The following MCPH1 variants were observed in gnomAD, a reference collection of about 807,000 sequenced individuals.
The protein encoded by MCPH1 is microcephalin 1.
MCPH1 carries 104 observed loss-of-function variants against 84.5 expected under a neutral mutation model. The ratio of observed to expected loss-of-function variants is 1.23; its 90% CI spans 1.05 to 1.45. MCPH1 has a LOEUF of 1.45. Among genes scored for constraint, MCPH1 ranks in the 40% most tolerant of loss-of-function variants. MCPH1 has a pLI of 0.00. For synonymous variants in MCPH1, 514 were observed against 366.8 expected (o/e 1.40, Z -4.58); for missense variants, 1,498 against 1,005.7 (o/e 1.49, Z -6.62).
intron 12 of MCPH1, among the ~76,000 whole-genome samples, chr8:6,529,057 T>C (rs1818939117): frequency 6.6e-6 from 1 of 152,228 alleles, no homozygotes; most frequent in Non-Finnish European, 1.5e-5. Flanking sequence ...ATAAGGGTTA[T>C]AACATGAGTA....
intron 12 of MCPH1, among the ~76,000 whole-genome samples, chr8:6,566,680 G>T (rs1826184411): frequency 6.6e-6 from 1 of 151,726 alleles, no homozygotes; most frequent in Non-Finnish European, 1.5e-5. Context: ...GATTGGCAAG[G>T]CCATGGATAG....
chr8:6,420,676 T>G (rs528104803), intron 3 of MCPH1, among the ~76,000 whole-genome samples: 1 of 152,330 alleles, frequency 6.6e-6, no homozygotes, highest in South Asian at 2.1e-4. Flanking sequence ...GCTGTTACAG[T>G]CGAGACAAGT....
chr8:6,447,016 AGGCAGGGCC>A, intron 8 of MCPH1: 1 of 418,164 alleles, frequency 2.4e-6, no homozygotes, highest in Non-Finnish European at 3.2e-6. Flanking sequence ...AGGGGTGTCC[AGGCAGGGCC>A]CGGGTGCAAG....
At chr8:6,603,641 C>T (rs1829539456) in intron 12 of MCPH1, among the ~76,000 whole-genome samples, 1 of 152,184 alleles carries the variant, frequency 6.6e-6, no homozygotes, top group African/African-American at 2.4e-5. Context: ...AAGTACCTTC[C>T]TGCTTTCAGT....
intron 9 of MCPH1, among the ~76,000 whole-genome samples, chr8:6,470,882 A>T (rs1563253701): frequency 6.6e-6 from 1 of 152,242 alleles, no homozygotes; most frequent in Non-Finnish European, 1.5e-5. Context: ...CTGCTGTAAG[A>T]TGTACATAAA....
At chr8:6,593,416 G>A (rs180765711) in intron 12 of MCPH1, among the ~76,000 whole-genome samples, 8 of 138,294 alleles carry the variant, frequency 5.8e-5, no homozygotes, top group South Asian at 2.4e-4. Context: ...GTGCAATGGC[G>A]CGATCTTGGC....
chr8:6,533,380 G>A (rs367697633), intron 12 of MCPH1, among the ~76,000 whole-genome samples: 7 of 152,188 alleles, frequency 4.6e-5, no homozygotes, highest in African/African-American at 1.7e-4. Flanking sequence ...TTTGGGCTTG[G>A]AGCCAGGGAA....
intron 3 of MCPH1, among the ~76,000 whole-genome samples, chr8:6,424,614 C>T (rs956059912): frequency 6.6e-6 from 1 of 152,222 alleles, no homozygotes; most frequent in Non-Finnish European, 1.5e-5. Flanking sequence ...ATAGGAACGT[C>T]CCTCAGTTTG....
chr8:6,538,397 G>A (rs1007624922), intron 12 of MCPH1, among the ~76,000 whole-genome samples: 1 of 152,198 alleles, frequency 6.6e-6, no homozygotes, highest in African/African-American at 2.4e-5. Context: ...CGCTGTCAGA[G>A]TCAGGAATCC....
At chr8:6,460,403 T>TG (rs1216612796) in intron 9 of MCPH1, among the ~76,000 whole-genome samples, 2 of 152,032 alleles carry the variant, frequency 1.3e-5, no homozygotes, top group African/African-American at 2.4e-5. Context: ...TTTGTAGAGA[T>TG]GGGGGTCTCT....
intron 12 of MCPH1, among the ~76,000 whole-genome samples, chr8:6,520,196 G>C (rs1172500646): frequency 6.6e-6 from 1 of 151,972 alleles, no homozygotes; most frequent in Admixed American, 6.6e-5. Flanking sequence ...CTTACTTTTT[G>C]GTCATTAATT....
chr8:6,557,158 C>T (rs945413597), intron 12 of MCPH1, among the ~76,000 whole-genome samples: 5 of 152,280 alleles, frequency 3.3e-5, no homozygotes, highest in Admixed American at 6.5e-5. Context: ...CCCAGCCCCA[C>T]GGAAAATTCT....
intron 12 of MCPH1, among the ~76,000 whole-genome samples, chr8:6,504,267 G>A (rs1039609850): frequency 7.2e-5 from 10 of 138,172 alleles, no homozygotes; most frequent in East Asian, 2.1e-4. Context: ...GCAGTGAGCC[G>A]AGATCGCGCC....
In MCPH1 at chr8:6,646,830, T is replaced by A. The variant is rs140992838; in HGVS notation, c.*3781T>A. On this transcript the variant is annotated 3_prime_UTR_variant, in exon 14 of 14. Transcript: ENST00000344683. ...CAAAACTGTTTCCAGTTGAGAACCA[T>A]TGACCTAATGTAAAAAATAAAATGT... The A allele has an allele frequency of 6.6e-6, 1 of 152,138 alleles. No homozygotes were observed. Among genetic ancestry groups the A allele is most frequent in the Non-Finnish European group, 1.5e-5 (1 of 68,026 alleles). 9.4% of individuals were successfully genotyped at this position (152,138 alleles called of 1,614,324 possible).
intron 12 of MCPH1, among the ~76,000 whole-genome samples, chr8:6,565,530 G>A (rs1019339862): frequency 6.6e-6 from 1 of 152,136 alleles, no homozygotes; most frequent in Non-Finnish European, 1.5e-5. Flanking sequence ...AAAGTGCTGG[G>A]ATCACAGGTG....
rs80356277 is a variant in MCPH1, at chr8:6,604,140, T to C, written c.2215-17314T>C. ...CTGATCTTGGACCTTCCCTGTCTCA[T>C]CTAGCTCAGCCCCCATGCTGTCATA... On this transcript the variant is annotated intron_variant, in intron 12 of 13. Transcript: ENST00000344683. Among the ~76,000 whole-genome samples the C allele has an allele frequency of 3.6e-4, 55 of 152,232 alleles. 1 individual carries two copies. The East Asian group carries it at 0.01, about 28-fold the overall frequency.
chr8:6,448,038 C>T (rs1458195128), intron 8 of MCPH1, among the ~76,000 whole-genome samples: 1 of 152,132 alleles, frequency 6.6e-6, no homozygotes, highest in Non-Finnish European at 1.5e-5. Flanking sequence ...AAGACATGCA[C>T]CCGTTGTGTC....
At position 6,603,382 on chromosome 8, in the gene MCPH1, G is replaced by T. The variant is rs570202802; in HGVS notation, c.2215-18072G>T. Reference sequence around the variant, plus strand: ...GGAAGTACTCTATATTTTGATTGAGGTGTTATTACTTCAATGTGTCAAAAT... The same window carrying T: ...GGAAGTACTCTATATTTTGATTGAGTTGTTATTACTTCAATGTGTCAAAAT... On this transcript the variant is annotated intron_variant, in intron 12 of 13. Transcript: ENST00000344683. 2.6e-5 allele frequency among the ~76,000 whole-genome samples: 4 copies of T among 152,202 alleles called. No homozygotes were observed. In the South Asian group the frequency reaches 8.3e-4, roughly 32 times the overall value.
chr8:6,537,571 A>T (rs145770763), intron 12 of MCPH1, among the ~76,000 whole-genome samples: 16 of 151,314 alleles, frequency 1.1e-4, no homozygotes, highest in African/African-American at 3.6e-4. Context: ...TGTTTACATT[A>T]ATATATATAT....
Sources: gnomAD v4.1 joint callset for allele counts (sites outside exome capture counted in the v4.1 genomes callset) on GRCh38, gnomAD v4.1.1 for gene constraint, MANE v1.5 for transcripts, NCBI Gene and HGNC (gene_info 2026-07-23, HGNC 2026-07-21) for gene names.